The following KAZN variants were observed in gnomAD, a reference collection of about 807,000 sequenced individuals.
The protein encoded by KAZN is kazrin.
KAZN carries 40 observed loss-of-function variants against 87.4 expected under a neutral mutation model. The ratio of observed to expected loss-of-function variants is 0.46; its 90% CI spans 0.36 to 0.60. The LOEUF (loss-of-function observed/expected upper bound fraction) is 0.60, where lower values mean the gene tolerates loss of function less well. KAZN is among the 20% of genes least tolerant of loss of function. The pLI, the probability that KAZN is intolerant of heterozygous loss-of-function variation, is 0.00. For synonymous variants in KAZN, 466 were observed against 458.3 expected, an observed-to-expected ratio of 1.02 and a Z score of -0.22; for missense variants, 898 against 1,073.9, an observed-to-expected ratio of 0.84 and a Z score of 2.29.
chr1:14,929,518 C>G (rs549078274), intron 1 of KAZN, among the ~76,000 whole-genome samples: 1 of 152,306 alleles, frequency 6.6e-6, no homozygotes, highest in African/African-American at 2.4e-5. Flanking sequence ...CTGGGGTTAG[C>G]CTCCCTCATC....
At chr1:14,810,117 A>G (rs1165586482) in intron 1 of KAZN, among the ~76,000 whole-genome samples, 1 of 152,192 alleles carries the variant, frequency 6.6e-6, no homozygotes, top group Non-Finnish European at 1.5e-5. Context: ...GACATTAATT[A>G]TCAATGATAA....
intron 1 of KAZN, among the ~76,000 whole-genome samples, chr1:13,924,800 A>G (rs1368584387): frequency 6.6e-6 from 1 of 152,214 alleles, no homozygotes. Context: ...TATAAAACGA[A>G]GCTGTGTCTG....
chr1:15,104,344 A>G (rs973146858), intron 13 of KAZN, among the ~76,000 whole-genome samples, 155 bp downstream of exon 13: 1 of 152,224 alleles, frequency 6.6e-6, no homozygotes, highest in African/African-American at 2.4e-5. Flanking sequence ...AGATCAGGAA[A>G]CTAAGGCTCA....
intron 1 of KAZN, among the ~76,000 whole-genome samples, chr1:13,982,382 C>T (rs1218039859): frequency 2.0e-5 from 3 of 152,188 alleles, no homozygotes; most frequent in East Asian, 3.8e-4. Context: ...GAGTTTCTTC[C>T]TTCTGGTGGG....
intron 1 of KAZN, among the ~76,000 whole-genome samples, chr1:14,137,755 C>T (rs1645142045): frequency 8.2e-6 from 1 of 121,952 alleles, no homozygotes; most frequent in Non-Finnish European, 1.6e-5. Context: ...GTTGCCCAGG[C>T]TGGAGTGCAA....
intron 2 of KAZN, among the ~76,000 whole-genome samples, chr1:14,181,274 A>G (rs143235017): frequency 8.5e-4 from 130 of 152,258 alleles, no homozygotes; most frequent in African/African-American, 3.0e-3. Flanking sequence ...CTACCTCTTC[A>G]GTGTCGGGAA....
chr1:14,348,646 G>A (rs1178001473), intron 2 of KAZN, among the ~76,000 whole-genome samples: 2 of 152,140 alleles, frequency 1.3e-5, no homozygotes, highest in Non-Finnish European at 2.9e-5. Flanking sequence ...GCGAAGAGGG[G>A]GATAGTTCAC....
chr1:14,152,402 T>G (rs1483999170), intron 1 of KAZN, among the ~76,000 whole-genome samples: 1 of 152,230 alleles, frequency 6.6e-6, no homozygotes, highest in African/African-American at 2.4e-5. Context: ...ACTCTTTTGA[T>G]TTTTAGATAT....
In KAZN at chr1:14,441,634, A is replaced by T. The variant is rs533575755; in HGVS notation, c.250-157349A>T. 2.6e-3 allele frequency among the ~76,000 whole-genome samples: 403 copies of T among 152,254 alleles called. 3 individuals carry two copies. The highest frequency in any genetic ancestry group is 0.024 in the Middle Eastern group (7 of 292). ...TAATTGTTTGCAGCTGCAACCCTCA[A>T]ATGTCTCAGAGGATTAAAATTTTTT... On this transcript the variant is annotated intron_variant, in intron 2 of 16. Coordinates refer to the KAZN transcript ENST00000636203.
chr1:14,527,288 C>T (rs1037883681), intron 2 of KAZN, among the ~76,000 whole-genome samples: 7 of 152,138 alleles, frequency 4.6e-5, no homozygotes, highest in South Asian at 2.1e-4. Context: ...CTGTGGCTTA[C>T]GCCTGTAATC....
intron 2 of KAZN, among the ~76,000 whole-genome samples, chr1:14,531,722 T>C (rs1478913557): frequency 6.6e-6 from 1 of 152,240 alleles, no homozygotes; most frequent in Non-Finnish European, 1.5e-5. Flanking sequence ...ATTATTGCTG[T>C]TCAAACCACC....
At chr1:14,160,572 T>C (rs1645687860) in intron 1 of KAZN, among the ~76,000 whole-genome samples, 1 of 152,238 alleles carries the variant, frequency 6.6e-6, no homozygotes, top group Admixed American at 6.5e-5. Flanking sequence ...AGTGCTCACC[T>C]GAGTTTTGGC....
chr1:14,544,346 C>CTTTTT (rs1672995998), intron 2 of KAZN, among the ~76,000 whole-genome samples: 6 of 67,148 alleles, frequency 8.9e-5, no homozygotes, highest in Admixed American at 1.8e-4. Flanking sequence ...TTCTTTCTTT[C>CTTTTT]TTTCTTTTTT....
chr1:15,075,518 C>T (rs113541496), intron 8 of KAZN, among the ~76,000 whole-genome samples: 190 of 152,254 alleles, frequency 1.2e-3, no homozygotes, highest in African/African-American at 4.5e-3. Context: ...CTTCTTCGGG[C>T]CCTTCAGCTC....
At chr1:14,549,398 A>T (rs1415157527) in intron 2 of KAZN, among the ~76,000 whole-genome samples, 1 of 152,204 alleles carries the variant, frequency 6.6e-6, no homozygotes, top group African/African-American at 2.4e-5. Flanking sequence ...TTAAGTCTTC[A>T]GAGAGGAAGT....
intron 1 of KAZN, among the ~76,000 whole-genome samples, chr1:14,954,198 G>A (rs182701400): frequency 1.0e-3 from 156 of 152,298 alleles, no homozygotes; most frequent in Admixed American, 8.0e-3. Context: ...GAGGGCCACC[G>A]TTTCCCAGAC....
intron 2 of KAZN, among the ~76,000 whole-genome samples, chr1:15,012,651 G>A (rs1442485326): frequency 1.3e-5 from 2 of 152,210 alleles, no homozygotes; most frequent in African/African-American, 4.8e-5. Context: ...GCCCGGCGTG[G>A]TTGCTCACGC....
chr1:14,742,729 TG>T (rs1644144135), intron 1 of KAZN, among the ~76,000 whole-genome samples: 1 of 152,252 alleles, frequency 6.6e-6, no homozygotes, highest in African/African-American at 2.4e-5. Context: ...TGAATTGCTT[TG>T]TCACTTTCTG....
chr1:14,377,223 A>T (rs758593491), intron 2 of KAZN, among the ~76,000 whole-genome samples: 1 of 152,124 alleles, frequency 6.6e-6, no homozygotes, highest in Non-Finnish European at 1.5e-5. Flanking sequence ...GAATCAACCC[A>T]CCCTTAAGGT....
Sources: gnomAD v4.1 joint callset for allele counts (sites outside exome capture counted in the v4.1 genomes callset) on GRCh38, gnomAD v4.1.1 for gene constraint, MANE v1.5 for transcripts, NCBI Gene and HGNC (gene_info 2026-07-23, HGNC 2026-07-21) for gene names.